ITPRID1: variants seen among roughly 807,000 people sequenced by gnomAD.
ITPRID1 encodes the protein protein ITPRID1.
Under a neutral mutation model 95.4 loss-of-function variants are expected in ITPRID1, and 96 were observed. The ratio of observed to expected loss-of-function variants is 1.01; its 90% CI spans 0.85 to 1.19. ITPRID1 has a LOEUF of 1.19. ITPRID1 is among the 50% of genes most tolerant of loss of function. The pLI is 0.00. For missense variants in ITPRID1, 1,339 were observed against 1,252.9 expected (o/e 1.07, Z -1.04); for synonymous variants, 510 against 453.6 (o/e 1.12, Z -1.58).
chr7:31,651,224 T>A lies in ITPRID1; in HGVS notation c.2666T>A (p.Met889Lys). ...EYLEEIEQHL[M>K]GQQALFSRDM... ...TTAGAAGAAATTGAACAGCACCTTA[T>A]GGGACAGCAGGCCCTCTTTTCCAGG... The change falls in exon 13 of 15, where the codon ATG becomes AAG. Residue 889 changes from methionine (M) to lysine (K), a missense_variant. By Grantham distance (95) the Met-to-Lys change is moderately conservative. Transcript: ENST00000615280. 1 of 1,613,584 alleles carries A rather than the reference T, an allele frequency of 6.2e-7. No homozygotes were observed. The highest frequency in any genetic ancestry group is 8.5e-7 in the Non-Finnish European group (1 of 1,179,646).
intron 10 of ITPRID1, among the ~76,000 whole-genome samples, chr7:31,621,215 T>G (rs1270604404): frequency 6.6e-6 from 1 of 151,992 alleles, no homozygotes; most frequent in Non-Finnish European, 1.5e-5. Flanking sequence ...TTCCCCAATC[T>G]AGCAAGGCAG....
At chr7:31,520,556 TGTGTGTGTGAGA>T (rs770314023) in intron 1 of ITPRID1, among the ~76,000 whole-genome samples, 2,426 of 105,562 alleles carry the variant, frequency 0.023, 37 homozygotes, top group African/African-American at 0.041. Context: ...TGTGTGTGTG[TGTGTGTGTGAGA>T]GAGAGAGAGA....
In ITPRID1 at chr7:31,643,087, G is replaced by T; in HGVS notation, c.1717G>T (p.Val573Phe). ...TCCTCTGGGGTTTATGGTAACCCACGTCACAGAAATGCAGGACAGTTTTGT... is the reference window on the plus strand; with the variant it reads ...TCCTCTGGGGTTTATGGTAACCCACTTCACAGAAATGCAGGACAGTTTTGT... Reference protein sequence around the residue: ...DHPLGFMVTHVTEMQDSFVRP... With the variant: ...DHPLGFMVTHFTEMQDSFVRP... The change falls in exon 12 of 15, where the codon GTC becomes TTC. Residue 573 changes from valine (V) to phenylalanine (F), a missense_variant. By Grantham distance (50) the Val-to-Phe change is conservative. Coordinates refer to ENST00000615280, the MANE Select transcript of ITPRID1 (RefSeq NM_001257967.3). 2 of 1,613,958 alleles carry T rather than the reference G, an allele frequency of 1.2e-6. No homozygotes were observed. The highest frequency in any genetic ancestry group is 1.1e-5 in the South Asian group (1 of 91,080).
intron 10 of ITPRID1, among the ~76,000 whole-genome samples, chr7:31,620,947 C>A (rs1477694759): frequency 6.6e-6 from 1 of 151,790 alleles, no homozygotes. Flanking sequence ...GGCTCAAGAA[C>A]TATGTGAAGA....
chr7:31,527,618 CCT>C (rs1391066055), intron 1 of ITPRID1, among the ~76,000 whole-genome samples: 1 of 152,108 alleles, frequency 6.6e-6, no homozygotes, highest in Non-Finnish European at 1.5e-5. Flanking sequence ...AAATTCTATC[CCT>C]GTTTAGAATC....
At chr7:31,532,157 G>T (rs962845947) in intron 1 of ITPRID1, among the ~76,000 whole-genome samples, 1 of 151,662 alleles carries the variant, frequency 6.6e-6, no homozygotes, top group Admixed American at 6.6e-5. Context: ...ATTTTATTTT[G>T]TTGCATGTAT....
At chr7:31,559,885 C>T (rs572209280) in intron 5 of ITPRID1, among the ~76,000 whole-genome samples, 8 of 152,302 alleles carry the variant, frequency 5.3e-5, no homozygotes, top group East Asian at 3.9e-4. Context: ...CACAGGAACA[C>T]GAAGTTTCTG....
rs569905105 is a variant in ITPRID1, at chr7:31,643,276, C to T, written c.1906C>T (p.Pro636Ser). 292 of 1,613,822 alleles carry T rather than the reference C, an allele frequency of 1.8e-4. 2 individuals are homozygous for T. The South Asian group carries it at 3.2e-3, about 17-fold the overall frequency. Residue 636 changes from proline to serine, a missense_variant, in exon 12 of 15, where the codon CCA becomes TCA. Transcript: ENST00000615280. ...TCACACCAACCACAGCTTACTCGTA[C>T]CAGAAAGCTCATCACAGTGTATCCC... ...CPHTNHSLLV[P>S]ESSSQCIPKH...
intron 10 of ITPRID1, among the ~76,000 whole-genome samples, chr7:31,614,720 G>T (rs1292984680): frequency 6.6e-6 from 1 of 150,760 alleles, no homozygotes; most frequent in East Asian, 2.0e-4. Context: ...GGCACAGTGA[G>T]CTGCATTATA....
chr7:31,571,168 C>T (rs1784974995), intron 6 of ITPRID1, among the ~76,000 whole-genome samples: 1 of 152,096 alleles, frequency 6.6e-6, no homozygotes, highest in South Asian at 2.1e-4. Context: ...GCTGGGATTA[C>T]AGGCACCTGC....
At chr7:31,574,452 C>T (rs1785102790) in intron 7 of ITPRID1, 88 bp from the exon 8 acceptor site, 1 of 1,148,218 alleles carries the variant, frequency 8.7e-7, no homozygotes, top group African/African-American at 1.5e-5. Context: ...CACTCAGTAT[C>T]TGGGAGATTG....
At chr7:31,547,574 G>A (rs1400843702) in intron 1 of ITPRID1, among the ~76,000 whole-genome samples, 5 of 152,196 alleles carry the variant, frequency 3.3e-5, no homozygotes, top group African/African-American at 9.6e-5. Flanking sequence ...TCCTTCCCTC[G>A]ATATGGGGAC....
chr7:31,567,952 C>T (rs1784856718), intron 5 of ITPRID1, among the ~76,000 whole-genome samples: 1 of 151,914 alleles, frequency 6.6e-6, no homozygotes, highest in African/African-American at 2.4e-5. Context: ...ATGGTGAAAC[C>T]CTGTCTCTAC....
chr7:31,619,160 C>T (rs533067765), intron 10 of ITPRID1, among the ~76,000 whole-genome samples: 3 of 152,200 alleles, frequency 2.0e-5, no homozygotes, highest in Non-Finnish European at 4.4e-5. Context: ...TTTAGCTGCT[C>T]TTGCTTTTCT....
intron 10 of ITPRID1, among the ~76,000 whole-genome samples, chr7:31,608,284 T>G (rs1786715806): frequency 6.6e-6 from 1 of 152,124 alleles, no homozygotes; most frequent in East Asian, 1.9e-4. Context: ...AAGTTTTAAA[T>G]AAGGAAATAC....
At chr7:31,644,054 C>A in intron 12 of ITPRID1, 101 bp downstream of exon 12, 4 of 1,068,602 alleles carry the variant, frequency 3.7e-6, no homozygotes, top group Non-Finnish European at 5.3e-6. Context: ...GATCTCAGGG[C>A]AAACTTTTCT....
intron 1 of ITPRID1, among the ~76,000 whole-genome samples, chr7:31,541,515 C>T (rs921254629): frequency 2.6e-5 from 4 of 152,078 alleles, no homozygotes; most frequent in Non-Finnish European, 5.9e-5. Context: ...GGTACCTTTG[C>T]GGCACACAAC....
intron 3 of ITPRID1, among the ~76,000 whole-genome samples, chr7:31,553,802 AC>A: frequency 6.6e-6 from 1 of 152,326 alleles, no homozygotes; most frequent in South Asian, 2.1e-4. Flanking sequence ...ATAAAGTCAA[AC>A]AAAATTAGCC....
At chr7:31,632,013 A>C (rs984549396) in intron 10 of ITPRID1, among the ~76,000 whole-genome samples, 1 of 152,190 alleles carries the variant, frequency 6.6e-6, no homozygotes, top group African/African-American at 2.4e-5. Context: ...GTTAGGAATG[A>C]AGGCTTCCAG....
Sources: gnomAD v4.1 joint callset for allele counts (sites outside exome capture counted in the v4.1 genomes callset) on GRCh38, gnomAD v4.1.1 for gene constraint, MANE v1.5 for transcripts, NCBI Gene and HGNC (gene_info 2026-07-23, HGNC 2026-07-21) for gene names.